The following KCMF1 variants were observed in gnomAD, a reference collection of about 807,000 sequenced individuals.
KCMF1 encodes the protein potassium channel modulatory factor 1, also known as E3 ubiquitin-protein ligase KCMF1.
KCMF1 carries 3 observed loss-of-function variants against 41.1 expected under a neutral mutation model. The ratio of observed to expected loss-of-function variants is 0.07; its 90% confidence interval spans 0.03 to 0.19. KCMF1 has a LOEUF of 0.19. Ranked by LOEUF, KCMF1 falls within the 10% of genes least tolerant of loss-of-function variation. The pLI, the probability that KCMF1 is intolerant of heterozygous loss-of-function variation, is 1.00. For synonymous variants in KCMF1, 142 were observed against 164.5 expected (o/e 0.86, Z 1.04); for missense variants, 286 against 488.9 (o/e 0.58, Z 3.91).
At position 85,057,366 on chromosome 2, in the gene KCMF1, G is replaced by C. The variant is rs776260725; in HGVS notation, c.*3957G>C. The stretch of plus-strand genomic sequence containing the variant: ...TGGGCAGGTGGAAGGGAAGAGGCTG[G>C]GGAGGAGCCTCTCATCTCATCTCAT... On this transcript the variant is annotated 3_prime_UTR_variant, in exon 7 of 7. Coordinates refer to ENST00000409785, the MANE Select transcript of KCMF1 (RefSeq NM_020122.5). 1.3e-5 allele frequency: 2 copies of C among 152,164 alleles called. No individual in the cohort carries two copies. Among genetic ancestry groups the C allele is most frequent in the Non-Finnish European group, 2.9e-5 (2 of 68,072 alleles). The allele number at this position is 152,164 out of a possible 1,614,324, so 9.4% of individuals were successfully genotyped here. A position where few individuals can be genotyped will look rare whatever the true frequency, so the allele number is the denominator to read the frequency against.
Position 85,053,172 on chromosome 2 carries a change from A to G in KCMF1, c.909A>G (p.Glu303=), listed in dbSNP as rs1165960652. The G allele has an allele frequency of 5.0e-6, 8 of 1,613,664 alleles. No individual in the cohort carries two copies. Among genetic ancestry groups the G allele is most frequent in the Non-Finnish European group, 6.8e-6 (8 of 1,179,814 alleles). ...LTRLNDPKMS[E]TERQSMESER... is the part of the protein sequence containing the mutation. Reference sequence around the variant, plus strand: ...GGTTGAATGATCCTAAAATGTCTGAAACGGAGCGCCAGTCCATGGAAAGCG... The same window carrying G: ...GGTTGAATGATCCTAAAATGTCTGAGACGGAGCGCCAGTCCATGGAAAGCG... The change falls in exon 7 of 7, where the codon GAA becomes GAG. Residue 303 remains glutamate, a synonymous_variant. Coordinates refer to ENST00000409785, the MANE Select transcript of KCMF1 (RefSeq NM_020122.5).
intron 1 of KCMF1, among the ~76,000 whole-genome samples, chr2:84,973,825 C>CTTT (rs1238178193): frequency 1.7e-3 from 185 of 110,192 alleles, no homozygotes; most frequent in Middle Eastern, 4.6e-3. Context: ...TTATTTCTTT[C>CTTT]TTTTTTTTTT....
chr2:84,992,366 C>T (rs1674061506), intron 1 of KCMF1, among the ~76,000 whole-genome samples: 4 of 151,956 alleles, frequency 2.6e-5, no homozygotes, highest in Admixed American at 2.6e-4. Context: ...AGTGATTCTC[C>T]TGCCTCAGCC....
At chr2:84,974,630 T>TTA (rs1370755586) in intron 1 of KCMF1, among the ~76,000 whole-genome samples, 1 of 137,914 alleles carries the variant, frequency 7.3e-6, no homozygotes, top group African/African-American at 2.6e-5. Context: ...AATTAAAACT[T>TTA]TATTTGTGGA....
At chr2:85,010,363 G>C (rs919130687) in intron 1 of KCMF1, among the ~76,000 whole-genome samples, 1 of 152,152 alleles carries the variant, frequency 6.6e-6, no homozygotes, top group Non-Finnish European at 1.5e-5. Flanking sequence ...TAGCTACTTG[G>C]GTGGCTGAGG....
chr2:84,973,701 C>T lies in KCMF1; in HGVS notation c.16+2234C>T, dbSNP rs149600815. 2.0e-5 allele frequency among the ~76,000 whole-genome samples: 3 copies of T among 152,126 alleles called. No homozygotes were observed. The East Asian group carries it at 5.8e-4, about 29-fold the overall frequency. ...TTATTGTCATCAGTAAGACTTTGAC[C>T]TATCAGTAAATACAGTGTTTGGCAC... On this transcript the variant is annotated intron_variant, in intron 1 of 6. Coordinates refer to ENST00000409785, the MANE Select transcript of KCMF1 (RefSeq NM_020122.5).
chr2:85,031,744 CTTAT>C (rs1189806080), intron 2 of KCMF1, among the ~76,000 whole-genome samples: 9 of 152,100 alleles, frequency 5.9e-5, no homozygotes, highest in Admixed American at 1.3e-4. Flanking sequence ...TTTTATCTTA[CTTAT>C]TTATCTATCT....
intron 1 of KCMF1, among the ~76,000 whole-genome samples, chr2:84,994,340 A>C (rs1674122784): frequency 6.6e-6 from 1 of 152,220 alleles, no homozygotes; most frequent in Admixed American, 6.5e-5. Context: ...ATAGTGATGC[A>C]CTACACACAC....
In KCMF1 at chr2:85,054,146, G is replaced by C. The variant is rs910967969; in HGVS notation, c.*737G>C. On this transcript the variant is annotated 3_prime_UTR_variant, in exon 7 of 7. Transcript: ENST00000409785. ...GTTGGAATCTGCTGCAGGGGCCTTTGTGTGCCCTAAAAACAAATCCTGTTC... is the reference window on the plus strand; with the variant it reads ...GTTGGAATCTGCTGCAGGGGCCTTTCTGTGCCCTAAAAACAAATCCTGTTC... 1.3e-5 allele frequency: 2 copies of C among 152,160 alleles called. No individual in the cohort carries two copies. The highest frequency in any genetic ancestry group is 4.8e-5 in the African/African-American group (2 of 41,432). The allele number at this position is 152,160 out of a possible 1,614,324, so 9.4% of individuals were successfully genotyped here.
At position 85,010,390 on chromosome 2, in the gene KCMF1, A is replaced by G. The variant is rs562302356; in HGVS notation, c.17-17499A>G. ...TGGCTGAGGCATGAGAATTGCTTGA[A>G]CCAGGGCATCAGAGGCTGCAGTTAG... On this transcript the variant is annotated intron_variant, in intron 1 of 6. Transcript: ENST00000409785. 2.8e-3 allele frequency among the ~76,000 whole-genome samples: 427 copies of G among 152,234 alleles called. 2 individuals are homozygous for G. The highest frequency in any genetic ancestry group is 9.3e-3 in the African/African-American group (387 of 41,532).
chr2:85,055,727 T>G lies in KCMF1; in HGVS notation c.*2318T>G, dbSNP rs1675911257. On this transcript the variant is annotated 3_prime_UTR_variant, in exon 7 of 7. Transcript: ENST00000409785. ...AATTCTTGTGTCCTTTTTCTTTAGT[T>G]TCTGAATGAAAATCTTATTACTGGA... 2 of 152,178 alleles carry G rather than the reference T, an allele frequency of 1.3e-5. No homozygotes were observed. Among genetic ancestry groups the G allele is most frequent in the Non-Finnish European group, 2.9e-5 (2 of 68,018 alleles). The allele number at this position is 152,178 out of a possible 1,614,324, so 9.4% of individuals were successfully genotyped here. A position where few individuals can be genotyped will look rare whatever the true frequency, so the allele number is the denominator to read the frequency against.
Position 85,056,374 on chromosome 2 carries a change from T to G in KCMF1, c.*2965T>G, listed in dbSNP as rs1675930366. 1 of 152,130 alleles carries G rather than the reference T, an allele frequency of 6.6e-6. No individual in the cohort carries two copies. The allele number at this position is 152,130 out of a possible 1,614,324, so 9.4% of individuals were successfully genotyped here. ...ACAGATTTTCAAAGGTCACCAAGGC[T>G]TTTGTGTTTTTTTCCGGTCTGTGGG... On this transcript the variant is annotated 3_prime_UTR_variant, in exon 7 of 7. Transcript: ENST00000409785.
chr2:85,058,978 A>G lies in KCMF1; in HGVS notation c.*5569A>G, dbSNP rs752130283. 2 of 152,194 alleles carry G rather than the reference A, an allele frequency of 1.3e-5. No individual in the cohort carries two copies. The highest frequency in any genetic ancestry group is 2.9e-5 in the Non-Finnish European group (2 of 68,038). The allele number at this position is 152,194 out of a possible 1,614,324, so 9.4% of individuals were successfully genotyped here. A position where few individuals can be genotyped will look rare whatever the true frequency, so the allele number is the denominator to read the frequency against. Reference sequence around the variant, plus strand: ...CCTGTATATAAGGTTTTCTTGAGGTAGATGCAGCAATATTCCTGGGGTAAG... The same window carrying G: ...CCTGTATATAAGGTTTTCTTGAGGTGGATGCAGCAATATTCCTGGGGTAAG... On this transcript the variant is annotated 3_prime_UTR_variant, in exon 7 of 7. Transcript: ENST00000409785.
Position 84,971,424 on chromosome 2 carries a change from G to A in KCMF1, c.-28G>A, listed in dbSNP as rs764239820. ...GGACACTGCAGCCGGAGCCCGGGAG[G>A]GGCCGCGCCGCCACCGTCTGAACTA... On this transcript the variant is annotated 5_prime_UTR_variant, in exon 1 of 7. Transcript: ENST00000409785. The A allele has an allele frequency of 8.2e-5, 101 of 1,238,716 alleles. No individual in the cohort carries two copies. Among genetic ancestry groups the A allele is most frequent in the Non-Finnish European group, 1.0e-4 (97 of 971,610 alleles). The allele number at this position is 1,238,716 out of a possible 1,614,324, so 76.7% of individuals were successfully genotyped here. A position where few individuals can be genotyped will look rare whatever the true frequency, so the allele number is the denominator to read the frequency against.
intron 1 of KCMF1, among the ~76,000 whole-genome samples, chr2:85,006,456 A>G (rs1461009386): frequency 6.6e-6 from 1 of 151,478 alleles, no homozygotes; most frequent in Non-Finnish European, 1.5e-5. Context: ...GCCCGCCACC[A>G]TGCCCGGCTA....
chr2:84,974,915 G>T (rs1291840031), intron 1 of KCMF1, among the ~76,000 whole-genome samples: 1 of 151,298 alleles, frequency 6.6e-6, no homozygotes, highest in Non-Finnish European at 1.5e-5. Flanking sequence ...CACCATGTTG[G>T]CCAGGGTGGT....
At chr2:85,034,543 TG>T (rs1675361512) in intron 2 of KCMF1, among the ~76,000 whole-genome samples, 1 of 152,214 alleles carries the variant, frequency 6.6e-6, no homozygotes, top group Admixed American at 6.5e-5. Flanking sequence ...AGTAGCTATC[TG>T]GGGAAGGAAT....
chr2:84,996,378 C>A (rs1674175562), intron 1 of KCMF1, among the ~76,000 whole-genome samples: 3 of 149,224 alleles, frequency 2.0e-5, no homozygotes, highest in South Asian at 2.1e-4. Flanking sequence ...AGCTAAAAAT[C>A]AAAAATAATC....
At chr2:85,014,625 A>C (rs1230815732) in intron 1 of KCMF1, among the ~76,000 whole-genome samples, 1 of 150,964 alleles carries the variant, frequency 6.6e-6, no homozygotes, top group East Asian at 1.9e-4. Context: ...CAGAATTTTC[A>C]AAACAGAGCA....
Sources: allele counts gnomAD v4.1 joint callset (sites outside exome capture counted in the v4.1 genomes callset), GRCh38; gene constraint gnomAD v4.1.1; transcripts MANE v1.5; gene names NCBI Gene and HGNC (gene_info 2026-07-23, HGNC 2026-07-21).